Variants in PARD3B observed in about 807,000 individuals in gnomAD.
PARD3B encodes par-3 family cell polarity regulator beta.
A neutral mutation model predicts 130.2 loss-of-function variants in PARD3B; 103 were observed. The observed-to-expected ratio is 0.79, with a 90% CI of 0.67 to 0.93. PARD3B has a LOEUF of 0.93. Among genes scored for constraint, PARD3B ranks in the 40% least tolerant of loss-of-function variants. PARD3B has a pLI of 0.00. For synonymous variants in PARD3B, 583 were observed against 553.2 expected, an observed-to-expected ratio of 1.05 and a Z score of -0.76; for missense variants, 1,609 against 1,499.2, an observed-to-expected ratio of 1.07 and a Z score of -1.21.
chr2:204,823,286 A>G (rs2043437017), intron 2 of PARD3B, among the ~76,000 whole-genome samples: 1 of 152,250 alleles, frequency 6.6e-6, no homozygotes. Flanking sequence ...AGTGTCATTT[A>G]TATATTACAT....
At chr2:204,824,640 G>C (rs2043498656) in intron 2 of PARD3B, among the ~76,000 whole-genome samples, 2 of 152,322 alleles carry the variant, frequency 1.3e-5, no homozygotes, top group African/African-American at 4.8e-5. Context: ...AGGCCAGGGA[G>C]AGAGTAGCTT....
chr2:204,546,141 G>A, intron 1 of PARD3B, 22 bp downstream of exon 1: 1 of 1,550,714 alleles, frequency 6.4e-7, no homozygotes, highest in Non-Finnish European at 8.7e-7. Flanking sequence ...GCGGAGGAGT[G>A]GGGCGCGGCT....
chr2:205,040,240 G>T (rs1575614047), intron 3 of PARD3B, among the ~76,000 whole-genome samples: 1 of 152,308 alleles, frequency 6.6e-6, no homozygotes, highest in Non-Finnish European at 1.5e-5. Context: ...GGGATTATAG[G>T]CATAAGCCAC....
At chr2:204,812,724 A>T (rs1389320285) in intron 2 of PARD3B, among the ~76,000 whole-genome samples, 1 of 152,160 alleles carries the variant, frequency 6.6e-6, no homozygotes, top group Admixed American at 6.5e-5. Context: ...TGCACGTGCT[A>T]CAGCCCACTT....
chr2:204,734,261 G>GC (rs1358387321), intron 2 of PARD3B, among the ~76,000 whole-genome samples: 1 of 152,122 alleles, frequency 6.6e-6, no homozygotes, highest in African/African-American at 2.4e-5. Flanking sequence ...ACTGAAAATA[G>GC]CAAGTATTGG....
chr2:205,012,237 G>A (rs897340937), intron 3 of PARD3B, among the ~76,000 whole-genome samples: 7 of 151,960 alleles, frequency 4.6e-5, no homozygotes, highest in Non-Finnish European at 7.4e-5. Context: ...GGTTTTCTTC[G>A]TATTTGTGAG....
intron 1 of PARD3B, among the ~76,000 whole-genome samples, chr2:204,586,907 A>G (rs1471194989): frequency 6.6e-6 from 1 of 152,214 alleles, no homozygotes; most frequent in Non-Finnish European, 1.5e-5. Flanking sequence ...GCATGTTCGA[A>G]TGATTATTTT....
intron 11 of PARD3B, among the ~76,000 whole-genome samples, chr2:205,170,962 A>C (rs2125746266): frequency 6.6e-6 from 1 of 152,332 alleles, no homozygotes; most frequent in Admixed American, 6.5e-5. Flanking sequence ...TAAAGAGTCA[A>C]GATTCATGGG....
chr2:205,607,069 A>G (rs898861535), intron 22 of PARD3B, among the ~76,000 whole-genome samples: 1 of 152,138 alleles, frequency 6.6e-6, no homozygotes, highest in Non-Finnish European at 1.5e-5. Flanking sequence ...GAACCGCACA[A>G]ATATCTGTTT....
chr2:205,068,508 A>AG (rs1435353236), intron 4 of PARD3B, among the ~76,000 whole-genome samples: 4 of 151,986 alleles, frequency 2.6e-5, no homozygotes, highest in African/African-American at 4.8e-5. Context: ...ATTCTTTTCC[A>AG]GTTTATTAAC....
At chr2:205,173,399 A>G (rs1480806903) in intron 12 of PARD3B, among the ~76,000 whole-genome samples, 1 of 152,200 alleles carries the variant, frequency 6.6e-6, no homozygotes, top group Non-Finnish European at 1.5e-5. Context: ...ATGTAAGTAC[A>G]TACATAATTT....
At chr2:204,848,641 G>GTCTATCTATCTATCTATCTATCTATCTA (rs112373204) in intron 2 of PARD3B, among the ~76,000 whole-genome samples, 140 of 148,452 alleles carry the variant, frequency 9.4e-4, no homozygotes, top group Middle Eastern at 3.5e-3. Flanking sequence ...GTGAGACTCT[G>GTCTATCTATCTATCTATCTATCTATCTA]TCTATCTATC....
Position 205,105,876 on chromosome 2 carries a change from C to T in PARD3B, c.593+1362C>T, listed in dbSNP as rs1441224214. ...AATAAGATTATCTAATTATGTCTAC[C>T]TCCAGAAACTAATAAGATTGTTTCT... On this transcript the variant is annotated intron_variant, in intron 5 of 22. Transcript: ENST00000406610. The surrounding 1 kb of genome is among the most constrained non-coding windows in gnomAD (Gnocchi z 4.0). Among the ~76,000 whole-genome samples, 1 of 151,664 alleles carries T rather than the reference C, an allele frequency of 6.6e-6. No homozygotes were observed. Among genetic ancestry groups the T allele is most frequent in the East Asian group, 1.9e-4 (1 of 5,146 alleles).
chr2:204,990,735 T>G (rs1255237871), intron 3 of PARD3B, among the ~76,000 whole-genome samples: 2 of 152,212 alleles, frequency 1.3e-5, no homozygotes, highest in Non-Finnish European at 2.9e-5. Context: ...TTGATTTTAA[T>G]AGAGTCAACA....
At position 205,078,565 on chromosome 2, in the gene PARD3B, A is replaced by G. The variant is rs1041263182; in HGVS notation, c.505-25861A>G. On this transcript the variant is annotated intron_variant, in intron 4 of 22. Coordinates refer to ENST00000406610, the MANE Select transcript of PARD3B (RefSeq NM_001302769.2). This position sits in a 1 kb window ranked among gnomAD's most constrained non-coding sequence, Gnocchi z 4.0. ...AACTTGTAGTATTTTGCTTAAATTC[A>G]TGTAATTTTTTTAATCCATAGGGTA... is the stretch of plus-strand genomic sequence containing the variant. Among the ~76,000 whole-genome samples the G allele has an allele frequency of 5.3e-5, 8 of 152,200 alleles. No individual in the cohort carries two copies. Among genetic ancestry groups the G allele is most frequent in the African/African-American group, 1.9e-4 (8 of 41,438 alleles).
At chr2:205,221,838 G>T (rs1052148663) in intron 15 of PARD3B, among the ~76,000 whole-genome samples, 4 of 151,998 alleles carry the variant, frequency 2.6e-5, no homozygotes, top group Admixed American at 2.6e-4. Context: ...TTCCAGGTGC[G>T]TGAGACTCTA....
At chr2:205,201,327 A>G (rs2036975723) in intron 15 of PARD3B, among the ~76,000 whole-genome samples, 1 of 102,096 alleles carries the variant, frequency 9.8e-6, no homozygotes, top group African/African-American at 3.6e-5. Flanking sequence ...TTGAAATCGA[A>G]AAGGATAACA....
chr2:204,648,647 TATATA>T (rs1401295762), intron 1 of PARD3B, among the ~76,000 whole-genome samples: 1 of 116,230 alleles, frequency 8.6e-6, no homozygotes, highest in East Asian at 2.2e-4. Flanking sequence ...ATATATTATA[TATATA>T]ATATATTTAT....
rs1231354505 is a variant in PARD3B, at chr2:204,678,425, A to G, written c.121-7756A>G. Among the ~76,000 whole-genome samples, 21 of 152,146 alleles carry G rather than the reference A, an allele frequency of 1.4e-4. 1 individual carries two copies. The highest frequency in any genetic ancestry group is 1.3e-3 in the Admixed American group (20 of 15,270). ...CTTGGTACCCGGGTTCTTGTCTGGC[A>G]TCCAGGAAGAATCAGGTCACACGGA... On this transcript the variant is annotated intron_variant, in intron 1 of 22. Transcript: ENST00000406610. The surrounding 1 kb of genome is among the most constrained non-coding windows in gnomAD (Gnocchi z 4.2).
Sources: gnomAD v4.1 joint callset for allele counts (sites outside exome capture counted in the v4.1 genomes callset) on GRCh38, gnomAD v4.1.1 for gene constraint, Gnocchi (gnomAD v3.1) non-coding constraint, MANE v1.5 for transcripts, NCBI Gene and HGNC (gene_info 2026-07-23, HGNC 2026-07-21) for gene names.